WARS2: variants seen among roughly 807,000 people sequenced by gnomAD.
WARS2 encodes tryptophanyl tRNA synthetase 2, mitochondrial.
WARS2 carries 28 observed loss-of-function variants against 36.5 expected under a neutral mutation model. That is an observed-to-expected ratio of 0.77 (90% CI 0.57 to 1.05). WARS2 has a LOEUF of 1.05. Among genes scored for constraint, WARS2 ranks in the 50% least tolerant of loss-of-function variants. WARS2 has a pLI of 0.00. For synonymous variants in WARS2, 174 were observed against 178.4 expected (o/e 0.98, Z 0.20); for missense variants, 435 against 456.8 (o/e 0.95, Z 0.44).
intron 1 of WARS2, among the ~76,000 whole-genome samples, chr1:119,077,962 G>A (rs900542582): frequency 1.1e-4 from 17 of 152,130 alleles, no homozygotes; most frequent in African/African-American, 4.1e-4. Flanking sequence ...CAACTATGTT[G>A]CAAGCATTTA....
chr1:119,081,297 G>A (rs1652175186), intron 1 of WARS2, among the ~76,000 whole-genome samples: 1 of 152,164 alleles, frequency 6.6e-6, no homozygotes, highest in African/African-American at 2.4e-5. Flanking sequence ...TTGTGATTAG[G>A]AGAGCTTCTG....
intron 2 of WARS2, among the ~76,000 whole-genome samples, chr1:119,075,872 T>C (rs1651686894): frequency 6.7e-6 from 1 of 148,718 alleles, no homozygotes; most frequent in African/African-American, 2.4e-5. Context: ...ACTTGTGCTA[T>C]CAAATCTTCT....
chr1:119,103,885 GAAA>G (rs1001051913), intron 1 of WARS2, among the ~76,000 whole-genome samples: 1 of 150,320 alleles, frequency 6.7e-6, no homozygotes, highest in Non-Finnish European at 1.5e-5. Context: ...TTAATTAAAA[GAAA>G]AAATAGATTT....
At chr1:119,073,250 T>C (rs1651469194) in intron 2 of WARS2, among the ~76,000 whole-genome samples, 1 of 152,024 alleles carries the variant, frequency 6.6e-6, no homozygotes, top group South Asian at 2.1e-4. Flanking sequence ...CTCTCTCTAT[T>C]GTTATAAATT....
rs778784116 is a variant in WARS2 at position 119,140,628 on chromosome 1, A to G, written c.17T>C (p.Met6Thr). The G allele has an allele frequency of 1.2e-6, 2 of 1,613,758 alleles. No individual in the cohort carries two copies. Among genetic ancestry groups the G allele is most frequent in the South Asian group, 2.2e-5 (2 of 91,014 alleles). Reference sequence around the variant, plus strand: ...GCTCCAGCGCTCACGCGCTTTCCGCATTGAGTGCAGCGCCATCTTGAGAAG... The same window carrying G: ...GCTCCAGCGCTCACGCGCTTTCCGCGTTGAGTGCAGCGCCATCTTGAGAAG... MALHS[M>T]RKARERWSFI... The change falls in exon 1 of 6, where the codon ATG becomes ACG. Residue 6 changes from methionine to threonine, a missense_variant. By Grantham distance (81) the Met-to-Thr change is moderately conservative. Transcript: ENST00000235521.
At chr1:119,127,417 C>A in intron 1 of WARS2, 1 of 371,420 alleles carries the variant, frequency 2.7e-6, no homozygotes, top group East Asian at 5.8e-5. Flanking sequence ...AGCAGTAGAG[C>A]TTACTAGCTC....
At chr1:119,117,012 T>C (rs1378443877) in intron 1 of WARS2, among the ~76,000 whole-genome samples, 1 of 152,182 alleles carries the variant, frequency 6.6e-6, no homozygotes, top group Non-Finnish European at 1.5e-5. Context: ...CTTTCTCAGC[T>C]GGGAGGCTTT....
At chr1:119,135,761 G>GAGAGAGAGAGAGATAGAGAGAT (rs1656462356) in intron 1 of WARS2, among the ~76,000 whole-genome samples, 1 of 87,080 alleles carries the variant, frequency 1.1e-5, no homozygotes, top group Non-Finnish European at 2.5e-5. Flanking sequence ...TAGAGAGATA[G>GAGAGAGAGAGAGATAGAGAGAT]AGAGAGAGAG....
chr1:119,107,717 A>G (rs1654344619), intron 1 of WARS2, among the ~76,000 whole-genome samples: 2 of 151,896 alleles, frequency 1.3e-5, no homozygotes, highest in African/African-American at 4.8e-5. Context: ...GATTTCCAGC[A>G]CAATGTTGAA....
chr1:119,128,231 C>T (rs1345601038), intron 1 of WARS2, among the ~76,000 whole-genome samples: 4 of 152,140 alleles, frequency 2.6e-5, no homozygotes, highest in East Asian at 1.9e-4. Flanking sequence ...CCCACAACCA[C>T]TGGCCTGTAA....
rs182949238 is a variant in WARS2, at chr1:119,031,493, T to A, written c.*1418A>T. 1.3e-5 allele frequency: 2 copies of A among 152,340 alleles called. No individual in the cohort carries two copies. Among genetic ancestry groups the A allele is most frequent in the African/African-American group, 4.8e-5 (2 of 41,574 alleles). The allele number at this position is 152,340 out of a possible 1,614,324, so 9.4% of individuals were successfully genotyped here. The stretch of plus-strand genomic sequence containing the variant: ...ACATGTGTTCTGACACAAGGACTAC[T>A]CTACTTCCTTAAGAAACATGAGCAA... On this transcript the variant is annotated 3_prime_UTR_variant, in exon 6 of 6. Coordinates refer to ENST00000235521, the MANE Select transcript of WARS2 (RefSeq NM_015836.4).
At chr1:119,056,537 A>T (rs1233441093) in intron 2 of WARS2, among the ~76,000 whole-genome samples, 1 of 68,166 alleles carries the variant, frequency 1.5e-5, no homozygotes, top group Non-Finnish European at 2.8e-5. Context: ...TAAATATATA[A>T]TATATATATA....
At chr1:119,076,148 G>C (rs926749473) in intron 2 of WARS2, among the ~76,000 whole-genome samples, 1 of 152,088 alleles carries the variant, frequency 6.6e-6, no homozygotes, top group Non-Finnish European at 1.5e-5. Flanking sequence ...TGGAGGAAAA[G>C]CTGAAAAATA....
Position 119,076,334 on chromosome 1 carries a change from A to G in WARS2, c.348+16T>C, listed in dbSNP as rs763182497. 6.2e-7 allele frequency: 1 copy of G among 1,613,876 alleles called. No homozygotes were observed. The highest frequency in any genetic ancestry group is 1.1e-5 in the South Asian group (1 of 91,068). On this transcript the variant is annotated intron_variant, in intron 2 of 5. Coordinates refer to ENST00000235521, the MANE Select transcript of WARS2 (RefSeq NM_015836.4). ...TACACATAAGAGTTTTCTCAGTTCT[A>G]ATCTGAGAAGCTGACCTGAGATTGT...
intron 2 of WARS2, among the ~76,000 whole-genome samples, chr1:119,048,320 T>C (rs560548430): frequency 6.6e-6 from 1 of 152,324 alleles, no homozygotes; most frequent in African/African-American, 2.4e-5. Flanking sequence ...GTGTCTCAGT[T>C]TTCCCCTCTA....
chr1:119,128,694 T>C (rs762196146), intron 1 of WARS2, among the ~76,000 whole-genome samples: 7 of 151,692 alleles, frequency 4.6e-5, no homozygotes, highest in Non-Finnish European at 8.8e-5. Flanking sequence ...TCAGTGGTCA[T>C]GGCTTTGTTA....
intron 2 of WARS2, among the ~76,000 whole-genome samples, chr1:119,048,833 G>A: frequency 6.6e-6 from 1 of 152,154 alleles, no homozygotes. Context: ...GGAGGCCGAG[G>A]TGGGCGGATT....
intron 2 of WARS2, among the ~76,000 whole-genome samples, chr1:119,074,626 T>C (rs1651585270): frequency 2.0e-5 from 3 of 152,228 alleles, no homozygotes; most frequent in Admixed American, 2.0e-4. Flanking sequence ...TCAAATTATC[T>C]ACAAGCTGGC....
chr1:119,084,003 A>T (rs1230300454), intron 1 of WARS2, among the ~76,000 whole-genome samples: 2 of 151,960 alleles, frequency 1.3e-5, no homozygotes, highest in Non-Finnish European at 2.9e-5. Context: ...TGTTTTAAAA[A>T]TTTAGTTTTT....
Sources: allele counts gnomAD v4.1 joint callset (sites outside exome capture counted in the v4.1 genomes callset), GRCh38; gene constraint gnomAD v4.1.1; transcripts MANE v1.5; gene names NCBI Gene and HGNC (gene_info 2026-07-23, HGNC 2026-07-21).